PTPRT: variants seen among roughly 807,000 people sequenced by gnomAD.
The protein encoded by PTPRT is receptor-type tyrosine-protein phosphatase T.
In PTPRT, 56 loss-of-function variants were observed where a neutral mutation model predicts 176.8. The ratio of observed to expected loss-of-function variants is 0.32; its 90% CI spans 0.26 to 0.40. The LOEUF is 0.40. Ranked by LOEUF, PTPRT falls within the 10% of genes least tolerant of loss-of-function variation. The pLI, the probability that PTPRT is intolerant of heterozygous loss-of-function variation, is 1.00. For missense variants in PTPRT, 1,540 were observed against 1,908.2 expected (o/e 0.81, Z 3.60); for synonymous variants, 783 against 739.0 (o/e 1.06, Z -0.96).
intron 1 of PTPRT, among the ~76,000 whole-genome samples, chr20:42,989,921 A>G (rs6065558): frequency 0.2 from 30,751 of 152,196 alleles, 3,215 homozygotes; most frequent in Non-Finnish European, 0.22. Flanking sequence ...GCTTCTCCCA[A>G]TAACACCACA....
At chr20:42,868,395 T>C (rs776741039) in intron 2 of PTPRT, among the ~76,000 whole-genome samples, 1 of 152,202 alleles carries the variant, frequency 6.6e-6, no homozygotes, top group Non-Finnish European at 1.5e-5. Flanking sequence ...ATCATGCCCA[T>C]GTCTCAATGC....
intron 7 of PTPRT, among the ~76,000 whole-genome samples, chr20:42,493,981 T>C (rs2071605646): frequency 1.3e-5 from 2 of 152,108 alleles, no homozygotes; most frequent in Non-Finnish European, 2.9e-5. Flanking sequence ...CCTCTCCTGT[T>C]GTCTTCCAGA....
Position 42,577,923 on chromosome 20 carries a change from CTGTGTGTGTGTGTGTGTG to C in PTPRT, c.1153+99925_1153+99942del, listed in dbSNP as rs777761268. 1.6e-3 allele frequency among the ~76,000 whole-genome samples: 174 copies of C among 111,318 alleles called. 2 individuals are homozygous for C. The highest frequency in any genetic ancestry group is 6.2e-3 in the African/African-American group (162 of 26,048). The allele number at this position is 111,318 out of a possible 152,430, so 73.0% of individuals were successfully genotyped here. ...GAAAAACCTTCAGACCTGAGCGAGG[CTGTGTGTGTGTGTGTGTG>C]TGTGTGTGTGTGTGTGTGTGTGTGT... On this transcript the variant is annotated intron_variant, in intron 7 of 30. Transcript: ENST00000373187.
At chr20:42,781,692 C>T (rs2077217886) in intron 3 of PTPRT, among the ~76,000 whole-genome samples, 1 of 152,196 alleles carries the variant, frequency 6.6e-6, no homozygotes, top group Non-Finnish European at 1.5e-5. Context: ...TCTTCATTGA[C>T]TCCCAACACT....
intron 1 of PTPRT, among the ~76,000 whole-genome samples, chr20:43,090,469 C>T (rs1047756198): frequency 5.3e-5 from 8 of 152,002 alleles, no homozygotes; most frequent in Non-Finnish European, 2.9e-5. Context: ...AGGGTTTCAC[C>T]GTTTTAGCCA....
At chr20:42,902,276 A>T (rs2079415665) in intron 1 of PTPRT, among the ~76,000 whole-genome samples, 2 of 152,170 alleles carry the variant, frequency 1.3e-5, no homozygotes, top group South Asian at 4.1e-4. Context: ...GGCCTCCCCC[A>T]GCAAGTTCCA....
chr20:42,673,558 C>G (rs2075448271), intron 7 of PTPRT, among the ~76,000 whole-genome samples: 1 of 152,060 alleles, frequency 6.6e-6, no homozygotes, highest in Non-Finnish European at 1.5e-5. Flanking sequence ...GCTGGAAAGT[C>G]CAATATCAAG....
chr20:42,379,740 C>T (rs573466319), intron 9 of PTPRT, among the ~76,000 whole-genome samples: 27 of 152,338 alleles, frequency 1.8e-4, no homozygotes, highest in Admixed American at 4.6e-4. Context: ...TCTTCTTGGG[C>T]ATGAATGGAA....
At chr20:42,270,487 G>A in intron 13 of PTPRT, 1 of 1,546,772 alleles carries the variant, frequency 6.5e-7, no homozygotes. Context: ...CAGGCAGCAT[G>A]CAGAAGAGAA....
intron 16 of PTPRT, among the ~76,000 whole-genome samples, chr20:42,182,312 G>A (rs537934849): frequency 6.6e-6 from 1 of 152,270 alleles, no homozygotes; most frequent in South Asian, 2.1e-4. Flanking sequence ...TAGGCAAATG[G>A]CTATTTCATA....
intron 7 of PTPRT, among the ~76,000 whole-genome samples, chr20:42,504,851 T>C (rs542546736): frequency 1.3e-5 from 2 of 152,318 alleles, no homozygotes; most frequent in East Asian, 1.9e-4. Flanking sequence ...GTTTTAATTA[T>C]GTTTTATTAT....
At chr20:42,770,111 T>C (rs2077041315) in intron 5 of PTPRT, among the ~76,000 whole-genome samples, 1 of 152,172 alleles carries the variant, frequency 6.6e-6, no homozygotes, top group African/African-American at 2.4e-5. Context: ...CAATTATACC[T>C]CAATAAAGCT....
intron 9 of PTPRT, among the ~76,000 whole-genome samples, chr20:42,393,821 T>G (rs975379655): frequency 1.3e-5 from 2 of 152,312 alleles, no homozygotes; most frequent in South Asian, 2.1e-4. Context: ...GTGGCGATAT[T>G]TAGGAATGTA....
At chr20:42,735,462 A>C (rs926443427) in intron 6 of PTPRT, among the ~76,000 whole-genome samples, 1 of 152,114 alleles carries the variant, frequency 6.6e-6, no homozygotes, top group Non-Finnish European at 1.5e-5. Flanking sequence ...CCTCACTAGG[A>C]GAAAGAACAT....
At chr20:42,754,088 T>G (rs1569135075) in intron 6 of PTPRT, among the ~76,000 whole-genome samples, 1 of 152,042 alleles carries the variant, frequency 6.6e-6, no homozygotes, top group Non-Finnish European at 1.5e-5. Context: ...TAAGACACAT[T>G]CCAGCAGGAC....
chr20:42,114,547 C>T (rs527960982), intron 22 of PTPRT, among the ~76,000 whole-genome samples: 53 of 152,314 alleles, frequency 3.5e-4, no homozygotes, highest in African/African-American at 1.2e-3. Flanking sequence ...TTCTCAACCT[C>T]GACACTACTG....
intron 11 of PTPRT, among the ~76,000 whole-genome samples, chr20:42,317,994 G>T (rs982230260): frequency 6.6e-6 from 1 of 152,140 alleles, no homozygotes; most frequent in Non-Finnish European, 1.5e-5. Context: ...TCCAAGTGAG[G>T]ATCTGTATTA....
Position 42,745,412 on chromosome 20 carries a change from C to G in PTPRT, c.859+11050G>C, listed in dbSNP as rs557236129. 3.0e-4 allele frequency among the ~76,000 whole-genome samples: 46 copies of G among 152,310 alleles called. No individual in the cohort carries two copies. In the East Asian group the frequency reaches 7.7e-3, roughly 26 times the overall value. Reference sequence around the variant, plus strand: ...TGGGTCATTCTTTGTTGTCAGGGGGCCATGCTGTGTATCGTAGGGTGTTTA... The same window carrying G: ...TGGGTCATTCTTTGTTGTCAGGGGGGCATGCTGTGTATCGTAGGGTGTTTA... On this transcript the variant is annotated intron_variant, in intron 6 of 30. Transcript: ENST00000373187.
chr20:42,573,814 T>C (rs1317592195), intron 7 of PTPRT, among the ~76,000 whole-genome samples: 1 of 141,570 alleles, frequency 7.1e-6, no homozygotes, highest in African/African-American at 2.6e-5. Flanking sequence ...AGTGGCGCAA[T>C]CTCAGCTCAC....
Sources: gnomAD v4.1 joint callset for allele counts (sites outside exome capture counted in the v4.1 genomes callset) on GRCh38, gnomAD v4.1.1 for gene constraint, MANE v1.5 for transcripts, NCBI Gene and HGNC (gene_info 2026-07-23, HGNC 2026-07-21) for gene names.